The following ZBTB37 variants were observed in gnomAD, a reference collection of about 807,000 sequenced individuals.
ZBTB37 encodes zinc finger and BTB domain-containing protein 37.
ZBTB37 carries 15 observed loss-of-function variants against 37.7 expected under a neutral mutation model. The observed-to-expected ratio is 0.40, with a 90% CI of 0.27 to 0.61. The LOEUF (loss-of-function observed/expected upper bound fraction) is 0.61, where lower values mean the gene tolerates loss of function less well. Among genes scored for constraint, ZBTB37 ranks in the 20% least tolerant of loss-of-function variants. The pLI is 0.44. For synonymous variants in ZBTB37, 231 were observed against 220.6 expected (o/e 1.05, Z -0.42); for missense variants, 514 against 641.9 (o/e 0.80, Z 2.15).
chr1:173,872,162 A>G (rs1474908298), intron 3 of ZBTB37, among the ~76,000 whole-genome samples: 2 of 151,780 alleles, frequency 1.3e-5, no homozygotes, highest in East Asian at 1.9e-4. Flanking sequence ...TCTGCCTCCC[A>G]GGTTCACACC....
At chr1:173,884,955 T>A (rs1402404736) in intron 4 of ZBTB37, among the ~76,000 whole-genome samples, 1 of 152,200 alleles carries the variant, frequency 6.6e-6, no homozygotes, top group Non-Finnish European at 1.5e-5. Flanking sequence ...TAGTTCTGGC[T>A]GGGCGTCGTG....
At chr1:173,869,630 C>T (rs951118823) in intron 2 of ZBTB37, among the ~76,000 whole-genome samples, 1 of 137,134 alleles carries the variant, frequency 7.3e-6, no homozygotes, top group African/African-American at 3.2e-5. Context: ...CTTCACAGCC[C>T]TATAACCAAA....
chr1:173,882,442 A>T (rs983512417), intron 4 of ZBTB37, among the ~76,000 whole-genome samples: 2 of 151,826 alleles, frequency 1.3e-5, no homozygotes, highest in African/African-American at 4.8e-5. Flanking sequence ...GGGTTTCACC[A>T]TATTAGCCAG....
At chr1:173,896,017 G>GATCTCTGTTCCTAGGT (rs1184705533) in exon 4 of ZBTB37, 2 of 152,178 alleles carry the variant, frequency 1.3e-5, no homozygotes, top group Non-Finnish European at 2.9e-5. Context: ...ACAGTAAAGA[G>GATCTCTGTTCCTAGGT]ATCTCTGTTC....
chr1:173,892,695 T>C (rs952521666), exon 4 of ZBTB37: 2 of 152,158 alleles, frequency 1.3e-5, no homozygotes, highest in Non-Finnish European at 2.9e-5. Context: ...TTTTCTTACC[T>C]GACATTTTTA....
chr1:173,880,745 G>A (rs1656249647), intron 4 of ZBTB37, among the ~76,000 whole-genome samples: 1 of 152,144 alleles, frequency 6.6e-6, no homozygotes, highest in Non-Finnish European at 1.5e-5. Flanking sequence ...GTATATTGCT[G>A]CCATTGACAA....
chr1:173,892,376 T>G (rs1201877565), exon 4 of ZBTB37: 1 of 152,256 alleles, frequency 6.6e-6, no homozygotes, highest in Non-Finnish European at 1.5e-5. Context: ...TTTCCCTGTC[T>G]TTAGTCTTCT....
rs577449408 is a variant in ZBTB37 at position 173,883,845 on chromosome 1, A to C, written c.1024-1791A>C. Among the ~76,000 whole-genome samples the C allele has an allele frequency of 2.0e-5, 3 of 151,758 alleles. No homozygotes were observed. The South Asian group carries it at 6.3e-4, about 32-fold the overall frequency. On this transcript the variant is annotated intron_variant, in intron 4 of 4. Transcript: ENST00000427304. ...GGAAGGGACAAAACACATTTTTAGA[A>C]ATTAAAAGGGCACAAGATCTTCTAT...
chr1:173,874,306 A>T (rs1278824294), intron 4 of ZBTB37, among the ~76,000 whole-genome samples: 1 of 152,062 alleles, frequency 6.6e-6, no homozygotes, highest in East Asian at 1.9e-4. Flanking sequence ...ATCTGATTGA[A>T]AGTATCTATC....
chr1:173,876,661 G>A (rs1026801578), intron 4 of ZBTB37, among the ~76,000 whole-genome samples: 5 of 152,130 alleles, frequency 3.3e-5, no homozygotes, highest in South Asian at 2.1e-4. Flanking sequence ...AGTAATAGCC[G>A]TAAGACATTG....
intron 4 of ZBTB37, among the ~76,000 whole-genome samples, chr1:173,874,566 T>A (rs1200487381): frequency 6.6e-6 from 1 of 152,050 alleles, no homozygotes; most frequent in Non-Finnish European, 1.5e-5. Context: ...TTAGCCAGGG[T>A]GGTTTCGATC....
rs1278224100 is a variant in ZBTB37, at chr1:173,872,278, C to T, written c.923+1130C>T. On this transcript the variant is annotated intron_variant, in intron 3 of 4. Transcript: ENST00000427304. ...TTAGTAGAGATGGGGTTTTACCATGCTAGCCAGGATGGTCTCGATCTCCTG... is the reference window on the plus strand; with the variant it reads ...TTAGTAGAGATGGGGTTTTACCATGTTAGCCAGGATGGTCTCGATCTCCTG... 2.0e-5 allele frequency among the ~76,000 whole-genome samples: 3 copies of T among 152,096 alleles called. No individual in the cohort carries two copies. In the East Asian group the frequency reaches 5.8e-4, roughly 29 times the overall value.
At chr1:173,873,900 A>G (rs527973890) in intron 4 of ZBTB37, among the ~76,000 whole-genome samples, 1 of 152,258 alleles carries the variant, frequency 6.6e-6, no homozygotes, top group Non-Finnish European at 1.5e-5. Context: ...GATAAATTAC[A>G]TGTGGCAATT....
At chr1:173,891,193 C>T (rs1355239063), downstream of ZBTB37, 1 of 152,128 alleles carries the variant, frequency 6.6e-6, no homozygotes, top group East Asian at 1.9e-4. Context: ...TTTGCCATTC[C>T]TCTGAGTTAA....
chr1:173,886,168 T>TA, exon 5 of ZBTB37: 1 of 1,512,526 alleles, frequency 6.6e-7, no homozygotes, highest in South Asian at 1.3e-5. Context: ...CTATGAGCCA[T>TA]AAGCAGCCAG....
chr1:173,881,955 A>G (rs1234800620), intron 4 of ZBTB37, among the ~76,000 whole-genome samples: 5 of 151,606 alleles, frequency 3.3e-5, no homozygotes, highest in Admixed American at 2.6e-4. Context: ...TCAGGAGGCT[A>G]AGGCAGGAGA....
chr1:173,883,617 C>T (rs1217541856), intron 4 of ZBTB37, among the ~76,000 whole-genome samples: 1 of 152,172 alleles, frequency 6.6e-6, no homozygotes, highest in Non-Finnish European at 1.5e-5. Context: ...CACCCAAGAC[C>T]TTTAGTGGGA....
exon 4 of ZBTB37, chr1:173,903,045 A>C (rs116150984): frequency 4.6e-5 from 7 of 152,220 alleles, no homozygotes; most frequent in African/African-American, 1.7e-4. Context: ...GATTTTTTAA[A>C]TTAAAAATCA....
chr1:173,872,880 A>G (rs1655669121), intron 3 of ZBTB37, among the ~76,000 whole-genome samples: 1 of 151,822 alleles, frequency 6.6e-6, no homozygotes, highest in Non-Finnish European at 1.5e-5. Flanking sequence ...GGTGGCACGC[A>G]CCTGTAGTCT....
Sources: allele counts gnomAD v4.1 joint callset (sites outside exome capture counted in the v4.1 genomes callset), GRCh38; gene constraint gnomAD v4.1.1; transcripts MANE v1.5; gene names NCBI Gene and HGNC (gene_info 2026-07-23, HGNC 2026-07-21).